Variants in KCNMA1 observed in about 807,000 individuals in gnomAD.
KCNMA1 encodes Calcium-activated potassium channel subunit alpha-1.
KCNMA1 carries 29 observed loss-of-function variants against 140.0 expected under a neutral mutation model. The ratio of observed to expected loss-of-function variants is 0.21; its 90% confidence interval spans 0.15 to 0.28. KCNMA1 has a LOEUF of 0.28. Ranked by LOEUF, KCNMA1 falls within the 10% of genes least tolerant of loss-of-function variation. The pLI is 1.00. For missense variants in KCNMA1, 880 were observed against 1,602.2 expected, an observed-to-expected ratio of 0.55 and a Z score of 7.70; for synonymous variants, 612 against 611.9, an observed-to-expected ratio of 1.00 and a Z score of 0.00.
At chr10:77,277,729 C>A (rs914920106) in intron 2 of KCNMA1, among the ~76,000 whole-genome samples, 1 of 152,214 alleles carries the variant, frequency 6.6e-6, no homozygotes, top group African/African-American at 2.4e-5. Context: ...AACCTGGATG[C>A]AAAGTGTCAT....
At chr10:77,483,496 C>T (rs1186986011) in intron 1 of KCNMA1, among the ~76,000 whole-genome samples, 2 of 152,186 alleles carry the variant, frequency 1.3e-5, no homozygotes, top group Non-Finnish European at 1.5e-5. Flanking sequence ...GGGCCTGTCG[C>T]CTCCTGGGAA....
At chr10:77,303,286 G>T (rs1409580915) in intron 2 of KCNMA1, among the ~76,000 whole-genome samples, 1 of 152,010 alleles carries the variant, frequency 6.6e-6, no homozygotes, top group Non-Finnish European at 1.5e-5. Flanking sequence ...CTTAGGGGAA[G>T]GTCTTGTTCT....
At chr10:77,008,317 G>C in intron 18 of KCNMA1, 1 of 935,566 alleles carries the variant, frequency 1.1e-6, no homozygotes, top group Non-Finnish European at 1.6e-6. Context: ...CATCAAACTA[G>C]ACATTACTTG....
chr10:76,992,335 A>G (rs2153348431), intron 19 of KCNMA1, among the ~76,000 whole-genome samples: 1 of 152,356 alleles, frequency 6.6e-6, no homozygotes, highest in Admixed American at 6.5e-5. Flanking sequence ...CAAAGCAGGC[A>G]CTATCTAGCT....
At chr10:77,182,678 C>T (rs548230902) in intron 5 of KCNMA1, among the ~76,000 whole-genome samples, 8 of 152,272 alleles carry the variant, frequency 5.3e-5, no homozygotes, top group East Asian at 1.9e-4. Flanking sequence ...GGTTCTGTTT[C>T]GGCCTGCCTT....
intron 25 of KCNMA1, among the ~76,000 whole-genome samples, chr10:76,895,725 T>A (rs2042194469): frequency 6.6e-6 from 1 of 152,152 alleles, no homozygotes; most frequent in Non-Finnish European, 1.5e-5. Flanking sequence ...TCTATTTCCT[T>A]AAGTGTCGGC....
chr10:77,527,027 A>G (rs1483993812), intron 1 of KCNMA1, among the ~76,000 whole-genome samples: 3 of 152,242 alleles, frequency 2.0e-5, no homozygotes, highest in African/African-American at 7.2e-5. Context: ...AGTAAACAGC[A>G]TTAGAGGGAA....
chr10:77,372,293 C>A (rs2094791567), intron 2 of KCNMA1, among the ~76,000 whole-genome samples: 1 of 152,166 alleles, frequency 6.6e-6, no homozygotes, highest in African/African-American at 2.4e-5. Flanking sequence ...CGATTGTTCC[C>A]ATCGCTGCCA....
intron 1 of KCNMA1, among the ~76,000 whole-genome samples, chr10:77,582,330 G>T (rs958748196): frequency 6.6e-6 from 1 of 152,224 alleles, no homozygotes; most frequent in Admixed American, 6.5e-5. Context: ...CTGCATCAGG[G>T]TTATTATGAG....
At chr10:76,898,082 G>A (rs1037337658) in intron 25 of KCNMA1, among the ~76,000 whole-genome samples, 10 of 151,708 alleles carry the variant, frequency 6.6e-5, no homozygotes, top group Non-Finnish European at 1.3e-4. Context: ...AAAACATAAT[G>A]CAAGACTATA....
chr10:77,362,599 T>C (rs1731833091), intron 2 of KCNMA1, among the ~76,000 whole-genome samples: 1 of 151,914 alleles, frequency 6.6e-6, no homozygotes, highest in African/African-American at 2.4e-5. Context: ...TTTCAATAAA[T>C]GTGAAATGCT....
chr10:77,002,255 C>T (rs2086712648), intron 18 of KCNMA1, among the ~76,000 whole-genome samples: 1 of 152,180 alleles, frequency 6.6e-6, no homozygotes, highest in African/African-American at 2.4e-5. Flanking sequence ...AGAAATGCAG[C>T]TACTCAAGAC....
At chr10:77,634,501 C>T (rs1603639207) in intron 1 of KCNMA1, 6 of 985,300 alleles carry the variant, frequency 6.1e-6, no homozygotes, top group Non-Finnish European at 7.2e-6. Context: ...AGAGACCAAA[C>T]GCTCATGAAA....
intron 3 of KCNMA1, among the ~76,000 whole-genome samples, chr10:77,243,754 C>G (rs1018947469): frequency 3.3e-5 from 5 of 152,174 alleles, no homozygotes; most frequent in African/African-American, 1.2e-4. Flanking sequence ...TCAATGCGTT[C>G]AGCCCTGTGT....
At chr10:76,985,867 G>C (rs1437198085) in intron 19 of KCNMA1, among the ~76,000 whole-genome samples, 1 of 152,072 alleles carries the variant, frequency 6.6e-6, no homozygotes, top group Non-Finnish European at 1.5e-5. Flanking sequence ...GAAATCTAGT[G>C]GTGATAACTA....
At chr10:77,544,175 T>TGC (rs1388191539) in intron 1 of KCNMA1, among the ~76,000 whole-genome samples, 2 of 151,818 alleles carry the variant, frequency 1.3e-5, no homozygotes, top group African/African-American at 4.8e-5. Context: ...TGTGTGTGTG[T>TGC]GTGTGTGTGT....
intron 15 of KCNMA1, among the ~76,000 whole-genome samples, chr10:77,037,570 G>T (rs2094418792): frequency 6.6e-6 from 1 of 152,134 alleles, no homozygotes; most frequent in South Asian, 2.1e-4. Context: ...TAAGAGAAGG[G>T]TGGAAAAGCA....
intron 2 of KCNMA1, among the ~76,000 whole-genome samples, chr10:77,260,188 C>G (rs112156180): frequency 1.3e-4 from 20 of 152,200 alleles, no homozygotes; most frequent in African/African-American, 4.6e-4. Flanking sequence ...ACAGGGATAG[C>G]AAGGACAGTC....
intron 3 of KCNMA1, among the ~76,000 whole-genome samples, chr10:77,212,643 T>C (rs764352675): frequency 6.6e-6 from 1 of 152,094 alleles, no homozygotes; most frequent in Non-Finnish European, 1.5e-5. Flanking sequence ...ATTTGTTATA[T>C]TCTCTCTCTC....
Sources: allele counts gnomAD v4.1 joint callset (sites outside exome capture counted in the v4.1 genomes callset), GRCh38; gene constraint gnomAD v4.1.1; transcripts MANE v1.5; gene names NCBI Gene and HGNC (gene_info 2026-07-23, HGNC 2026-07-21).